Variants in KALRN observed in about 807,000 individuals in gnomAD.
The protein encoded by KALRN is kalirin RhoGEF kinase, also known as kalirin.
Under a neutral mutation model 353.7 loss-of-function variants are expected in KALRN, and 70 were observed. That is an observed-to-expected ratio of 0.20 (90% CI 0.16 to 0.24). The LOEUF (loss-of-function observed/expected upper bound fraction) is 0.24, where lower values mean the gene tolerates loss of function less well. KALRN is among the 10% of genes least tolerant of loss of function. The pLI is 1.00. For missense variants in KALRN, 2,791 were observed against 3,756.7 expected (o/e 0.74, Z 6.72); for synonymous variants, 1,391 against 1,434.8 (o/e 0.97, Z 0.69).
chr3:124,388,581 A>C (rs1240834598), intron 11 of KALRN, among the ~76,000 whole-genome samples: 1 of 152,196 alleles, frequency 6.6e-6, no homozygotes, highest in Non-Finnish European at 1.5e-5. Context: ...CTCTCCTAAG[A>C]AAAGTAAAAG....
intron 34 of KALRN, among the ~76,000 whole-genome samples, chr3:124,617,783 G>T (rs543671352): frequency 6.6e-6 from 1 of 152,270 alleles, no homozygotes; most frequent in East Asian, 1.9e-4. Context: ...CTGATCTGGG[G>T]ACCACAGTTT....
At chr3:124,623,201 T>C (rs1288973772) in intron 34 of KALRN, among the ~76,000 whole-genome samples, 1 of 151,460 alleles carries the variant, frequency 6.6e-6, no homozygotes, top group Non-Finnish European at 1.5e-5. Context: ...CCCAGGCTGG[T>C]CTCAAACTCC....
At chr3:124,312,584 A>G (rs1339535184) in intron 6 of KALRN, among the ~76,000 whole-genome samples, 1 of 152,210 alleles carries the variant, frequency 6.6e-6, no homozygotes, top group Non-Finnish European at 1.5e-5. Flanking sequence ...CTTCCTAAAC[A>G]TTAAAGGGAA....
chr3:124,469,121 ATATC>A (rs1300302669), intron 25 of KALRN, among the ~76,000 whole-genome samples: 2 of 152,252 alleles, frequency 1.3e-5, no homozygotes, highest in African/African-American at 4.8e-5. Context: ...AACTTGGTAT[ATATC>A]TATGCAAATA....
At chr3:124,568,424 C>A (rs2073115089) in intron 34 of KALRN, among the ~76,000 whole-genome samples, 1 of 152,160 alleles carries the variant, frequency 6.6e-6, no homozygotes, top group African/African-American at 2.4e-5. Flanking sequence ...AATGGTACAG[C>A]TGCCATGGAA....
intron 1 of KALRN, among the ~76,000 whole-genome samples, chr3:124,105,498 C>T (rs1254830338): frequency 2.6e-5 from 4 of 151,922 alleles, no homozygotes; most frequent in African/African-American, 9.7e-5. Flanking sequence ...AAAGTATTGA[C>T]AAGGGAGACA....
chr3:124,036,900 C>A (rs1038602603), intron 1 of KALRN, among the ~76,000 whole-genome samples: 2 of 152,220 alleles, frequency 1.3e-5, no homozygotes, highest in African/African-American at 4.8e-5. Flanking sequence ...AAGCTAGATT[C>A]CCTAAATCTC....
chr3:124,567,006 C>A (rs1465959609), intron 34 of KALRN, among the ~76,000 whole-genome samples: 1 of 152,162 alleles, frequency 6.6e-6, no homozygotes, highest in Non-Finnish European at 1.5e-5. Context: ...ATGACTATCA[C>A]CCCAGAAATG....
At chr3:124,258,869 C>T (rs775339925) in intron 3 of KALRN, among the ~76,000 whole-genome samples, 10 of 152,196 alleles carry the variant, frequency 6.6e-5, no homozygotes, top group Non-Finnish European at 1.3e-4. Context: ...GGTGGCTGTA[C>T]GTATTTTCCA....
intron 25 of KALRN, among the ~76,000 whole-genome samples, chr3:124,472,889 C>T (rs1471659384): frequency 6.6e-6 from 1 of 152,132 alleles, no homozygotes; most frequent in African/African-American, 2.4e-5. Context: ...CTCTTTGATT[C>T]AGGTCAGAAT....
At chr3:124,250,850 G>A (rs748356544) in intron 3 of KALRN, among the ~76,000 whole-genome samples, 12 of 152,180 alleles carry the variant, frequency 7.9e-5, no homozygotes, top group Non-Finnish European at 1.6e-4. Context: ...GGCCCAGAAG[G>A]AAGGGATGAA....
intron 18 of KALRN, among the ~76,000 whole-genome samples, chr3:124,440,028 C>A (rs1173700058): frequency 6.6e-6 from 1 of 152,044 alleles, no homozygotes. Context: ...TACTTGACTA[C>A]CACCTTGAGC....
At position 124,441,998 on chromosome 3, in the gene KALRN, GAAC is replaced by G; in HGVS notation, c.3256_3258del (p.Asn1086del). Reference sequence around the variant, plus strand: ...AGGTGTTTCTCAAGTACATCCACAGGAACAACGTCAGCATGCCCAGTGTCGCCA... The same window carrying G: ...AGGTGTTTCTCAAGTACATCCACAGGAACGTCAGCATGCCCAGTGTCGCCA... On this transcript the variant is annotated inframe_deletion, in exon 19 of 60. Transcript: ENST00000682506. 1 of 1,607,536 alleles carries G rather than the reference GAAC, an allele frequency of 6.2e-7. No individual in the cohort carries two copies. The highest frequency in any genetic ancestry group is 8.5e-7 in the Non-Finnish European group (1 of 1,175,070).
At chr3:124,603,922 G>T (rs1421618126) in intron 34 of KALRN, among the ~76,000 whole-genome samples, 1 of 152,014 alleles carries the variant, frequency 6.6e-6, no homozygotes, top group Non-Finnish European at 1.5e-5. Flanking sequence ...ATGGAGCCTG[G>T]TGATCTTATT....
intron 34 of KALRN, among the ~76,000 whole-genome samples, chr3:124,565,372 C>A (rs923773146): frequency 6.6e-6 from 1 of 152,164 alleles, no homozygotes; most frequent in Non-Finnish European, 1.5e-5. Context: ...AATCTGGTTC[C>A]GCTTGAAGTC....
intron 21 of KALRN, among the ~76,000 whole-genome samples, chr3:124,451,010 A>C (rs1315069578): frequency 6.6e-6 from 1 of 152,204 alleles, no homozygotes; most frequent in African/African-American, 2.4e-5. Flanking sequence ...CAAGGAGCTC[A>C]GTAAATTTGT....
At chr3:124,381,263 T>A (rs961748599) in intron 10 of KALRN, among the ~76,000 whole-genome samples, 2 of 152,138 alleles carry the variant, frequency 1.3e-5, no homozygotes, top group East Asian at 3.9e-4. Flanking sequence ...TGAAGAAGAA[T>A]ATGTGCAAAG....
chr3:124,210,616 A>G (rs2076822324), intron 1 of KALRN, among the ~76,000 whole-genome samples: 1 of 152,220 alleles, frequency 6.6e-6, no homozygotes, highest in Non-Finnish European at 1.5e-5. Flanking sequence ...AATGGAGGCC[A>G]GAAAGGGGAG....
intron 8 of KALRN, among the ~76,000 whole-genome samples, chr3:124,332,756 T>A (rs569970520): frequency 6.6e-6 from 1 of 152,140 alleles, no homozygotes; most frequent in African/African-American, 2.4e-5. Context: ...AGCCTTTCTC[T>A]GCATGTTCTA....
Sources: gnomAD v4.1 joint callset for allele counts (sites outside exome capture counted in the v4.1 genomes callset) on GRCh38, gnomAD v4.1.1 for gene constraint, MANE v1.5 for transcripts, NCBI Gene and HGNC (gene_info 2026-07-23, HGNC 2026-07-21) for gene names.